Variants in WDR7 observed in about 807,000 individuals in gnomAD.
The protein encoded by WDR7 is WD repeat-containing protein 7.
Under a neutral mutation model 169.4 loss-of-function variants are expected in WDR7, and 46 were observed. The observed-to-expected ratio is 0.27, with a 90% CI of 0.21 to 0.35. The LOEUF (loss-of-function observed/expected upper bound fraction) is 0.35, where lower values mean the gene tolerates loss of function less well. Among genes scored for constraint, WDR7 ranks in the 10% least tolerant of loss-of-function variants. WDR7 has a pLI of 1.00. For synonymous variants in WDR7, 612 were observed against 666.8 expected (o/e 0.92, Z 1.27); for missense variants, 1,534 against 1,859.3 (o/e 0.83, Z 3.22).
At position 56,776,883 on chromosome 18, in the gene WDR7, ATCTC is replaced by A. The variant is rs1336551050; in HGVS notation, c.2947+8_2947+11del. ...TACCTGTTTCTTAGTAAATGAAGGT[ATCTC>A]TCTCAACTTCTAACAACTTTCTCTC... On this transcript the variant is annotated splice_donor_5th_base_variant and intron_variant, in intron 17 of 27. Coordinates refer to ENST00000254442, the MANE Select transcript of WDR7 (RefSeq NM_015285.3). The A allele has an allele frequency of 1.2e-5, 20 of 1,610,944 alleles. No homozygotes were observed. The highest frequency in any genetic ancestry group is 1.7e-5 in the Non-Finnish European group (20 of 1,177,342).
Position 56,986,128 on chromosome 18 carries a change from TTGTGTGTGTGTGTGTGTGTGTGTG to T in WDR7, c.4164+23627_4164+23650del, listed in dbSNP as rs60449836. 4.8e-3 allele frequency among the ~76,000 whole-genome samples: 648 copies of T among 136,348 alleles called. 1 individual carries two copies. Among genetic ancestry groups the T allele is most frequent in the Non-Finnish European group, 7.6e-3 (480 of 63,428 alleles). 89.4% of individuals were successfully genotyped at this position (136,348 alleles called of 152,430 possible). A position where few individuals can be genotyped will look rare whatever the true frequency, so the allele number is the denominator to read the frequency against. ...TATAATAGAGCTAATTTCAGCTTCTTTGTGTGTGTGTGTGTGTGTGTGTGTGTGTGTGTGTGTGTGTGTGTGTGT... is the reference window on the plus strand; with the variant it reads ...TATAATAGAGCTAATTTCAGCTTCTTTGTGTGTGTGTGTGTGTGTGTGTGT... On this transcript the variant is annotated intron_variant, in intron 26 of 27. Coordinates refer to ENST00000254442, the MANE Select transcript of WDR7 (RefSeq NM_015285.3).
At chr18:56,755,927 A>C (rs1377789461) in intron 14 of WDR7, among the ~76,000 whole-genome samples, 2 of 152,188 alleles carry the variant, frequency 1.3e-5, no homozygotes, top group Non-Finnish European at 2.9e-5. Context: ...AATGTCATAT[A>C]CTGCAAAGAC....
chr18:56,979,306 A>G (rs1398151881), intron 26 of WDR7, among the ~76,000 whole-genome samples: 1 of 152,138 alleles, frequency 6.6e-6, no homozygotes, highest in Non-Finnish European at 1.5e-5. Context: ...AGTTAGGGCT[A>G]GGATCCCTAG....
At chr18:56,858,761 G>A (rs1293385069) in intron 20 of WDR7, among the ~76,000 whole-genome samples, 1 of 152,120 alleles carries the variant, frequency 6.6e-6, no homozygotes, top group Non-Finnish European at 1.5e-5. Flanking sequence ...TATTTATTTA[G>A]CATCAAATAT....
chr18:56,805,653 T>C (rs2044761080), intron 19 of WDR7, among the ~76,000 whole-genome samples: 1 of 133,602 alleles, frequency 7.5e-6, no homozygotes, highest in African/African-American at 3.4e-5. Flanking sequence ...AATCATAGGA[T>C]TTTTTTTTTT....
chr18:56,934,462 G>A (rs1599170747), intron 22 of WDR7, among the ~76,000 whole-genome samples: 1 of 151,832 alleles, frequency 6.6e-6, no homozygotes, highest in East Asian at 1.9e-4. Flanking sequence ...CAATATGTGT[G>A]TGTTCTCTCA....
At chr18:56,784,078 A>C (rs2044358734) in intron 19 of WDR7, among the ~76,000 whole-genome samples, 1 of 152,162 alleles carries the variant, frequency 6.6e-6, no homozygotes, top group South Asian at 2.1e-4. Context: ...CCATTACAAT[A>C]ACCTTGTAAA....
intron 20 of WDR7, among the ~76,000 whole-genome samples, chr18:56,849,141 GCTT>G (rs1308072547): frequency 1.3e-5 from 2 of 151,968 alleles, no homozygotes; most frequent in African/African-American, 4.8e-5. Flanking sequence ...TGATACATAT[GCTT>G]CTTCTTTAGC....
At chr18:56,887,421 T>C (rs1011527783) in intron 21 of WDR7, among the ~76,000 whole-genome samples, 1 of 152,146 alleles carries the variant, frequency 6.6e-6, no homozygotes, top group African/African-American at 2.4e-5. Context: ...GGACTAGATA[T>C]GGGAAGGGAA....
chr18:56,880,256 T>C, intron 21 of WDR7, 91 bp downstream of exon 21: 1 of 1,246,136 alleles, frequency 8.0e-7, no homozygotes, highest in South Asian at 1.5e-5. Flanking sequence ...TATCCTGAGT[T>C]TTAGCTCATT....
chr18:56,984,066 G>T (rs998980681), intron 26 of WDR7, among the ~76,000 whole-genome samples: 1 of 142,786 alleles, frequency 7.0e-6, no homozygotes, highest in African/African-American at 2.5e-5. Flanking sequence ...TTATCCGTTT[G>T]AAAAAAAGAA....
At chr18:57,012,005 A>T (rs1459833604) in intron 26 of WDR7, among the ~76,000 whole-genome samples, 2 of 152,080 alleles carry the variant, frequency 1.3e-5, no homozygotes, top group Admixed American at 6.5e-5. Context: ...GGAGGGTGAA[A>T]ACCTTCAGGC....
intron 21 of WDR7, among the ~76,000 whole-genome samples, chr18:56,894,301 A>G (rs927087193): frequency 1.3e-5 from 2 of 152,006 alleles, no homozygotes; most frequent in Non-Finnish European, 2.9e-5. Context: ...AAAATTCTGC[A>G]AGGGTCTAAA....
intron 21 of WDR7, among the ~76,000 whole-genome samples, chr18:56,916,641 A>T (rs937343843): frequency 7.2e-5 from 11 of 152,320 alleles, no homozygotes; most frequent in South Asian, 2.1e-4. Flanking sequence ...ACTATTTTTT[A>T]AAAAAACTGC....
At chr18:56,724,356 G>A (rs1162337079) in intron 13 of WDR7, among the ~76,000 whole-genome samples, 1 of 151,404 alleles carries the variant, frequency 6.6e-6, no homozygotes, top group African/African-American at 2.4e-5. Flanking sequence ...GGGATTATAG[G>A]CACCACCACG....
intron 22 of WDR7, among the ~76,000 whole-genome samples, chr18:56,926,991 T>C (rs1228406322): frequency 6.6e-6 from 1 of 152,192 alleles, no homozygotes; most frequent in Non-Finnish European, 1.5e-5. Context: ...GTAACGGTGC[T>C]CAGCCGCCTT....
At chr18:56,684,893 T>C (rs953217787) in intron 5 of WDR7, among the ~76,000 whole-genome samples, 3 of 152,208 alleles carry the variant, frequency 2.0e-5, no homozygotes, top group Admixed American at 1.3e-4. Context: ...GAATGAGATT[T>C]GCGTTAATTT....
intron 20 of WDR7, among the ~76,000 whole-genome samples, chr18:56,819,669 T>C (rs142822043): frequency 1.3e-5 from 2 of 152,274 alleles, no homozygotes; most frequent in East Asian, 3.9e-4. Flanking sequence ...TTACATTCAA[T>C]ATTAAAACCT....
At chr18:56,879,141 G>A (rs1238477589) in intron 20 of WDR7, among the ~76,000 whole-genome samples, 2 of 152,138 alleles carry the variant, frequency 1.3e-5, no homozygotes, top group African/African-American at 4.8e-5. Flanking sequence ...GAGATACGTT[G>A]GAGTGGAGTT....
Sources: allele counts gnomAD v4.1 joint callset (sites outside exome capture counted in the v4.1 genomes callset), GRCh38; gene constraint gnomAD v4.1.1; transcripts MANE v1.5; gene names NCBI Gene and HGNC (gene_info 2026-07-23, HGNC 2026-07-21).